Variants in PP2D1 observed in about 807,000 individuals in gnomAD.
PP2D1 encodes protein phosphatase 2C-like domain-containing protein 1.
A neutral mutation model predicts 30.2 loss-of-function variants in PP2D1; 25 were observed. The observed-to-expected ratio is 0.83, with a 90% CI of 0.60 to 1.16. The LOEUF is 1.16. PP2D1 is among the 50% of genes most tolerant of loss of function. The pLI, the probability that PP2D1 is intolerant of heterozygous loss-of-function variation, is 0.00. For synonymous variants in PP2D1, 260 were observed against 258.9 expected (o/e 1.00, Z -0.04); for missense variants, 760 against 742.4 (o/e 1.02, Z -0.28).
At chr3:20,007,482 A>G (rs900022979) in intron 1 of PP2D1, among the ~76,000 whole-genome samples, 1 of 152,046 alleles carries the variant, frequency 6.6e-6, no homozygotes, top group Non-Finnish European at 1.5e-5. Flanking sequence ...GAAATAGTAA[A>G]TAGAGGCCAG....
At chr3:20,009,829 G>A (rs565711177) in intron 1 of PP2D1, among the ~76,000 whole-genome samples, 52 of 152,208 alleles carry the variant, frequency 3.4e-4, no homozygotes, top group African/African-American at 1.2e-3. Flanking sequence ...TCCATGAAGC[G>A]TACAACTGTA....
chr3:19,989,715 A>G (rs1697091455), intron 2 of PP2D1, among the ~76,000 whole-genome samples: 1 of 152,174 alleles, frequency 6.6e-6, no homozygotes, highest in African/African-American at 2.4e-5. Flanking sequence ...TAAATGAGAA[A>G]AATTTTTACG....
intron 1 of PP2D1, among the ~76,000 whole-genome samples, chr3:20,011,690 T>A (rs546329286): frequency 3.6e-4 from 54 of 152,082 alleles, no homozygotes; most frequent in African/African-American, 1.1e-3. Context: ...TCCCAGCTAC[T>A]CGGGAGGCTG....
At chr3:19,986,306 G>T in intron 2 of PP2D1, 124 bp from the exon 3 acceptor site, 1 of 688,630 alleles carries the variant, frequency 1.5e-6, no homozygotes, top group Non-Finnish European at 2.3e-6. Context: ...CTATGTAAAA[G>T]TACGTTTAAA....
In PP2D1 at chr3:19,985,898, C is replaced by T; in HGVS notation, c.1375G>A (p.Glu459Lys). The change falls in exon 3 of 3, where the codon GAA becomes AAA. Residue 459 changes from glutamate (E) to lysine (K), a missense_variant. By Grantham distance (56) the Glu-to-Lys change is moderately conservative (BLOSUM62 1). Transcript: ENST00000389050. ...FLIVATNGLW[E>K]VLDKEEVTAL... ...GTAACTTCCTCTTTATCCAAAACTT[C>T]CCAAAGTCCATTAGTAGCTACAATA... 1 of 1,536,434 alleles carries T rather than the reference C, an allele frequency of 6.5e-7. No homozygotes were observed. The highest frequency in any genetic ancestry group is 1.2e-5 in the South Asian group (1 of 84,064).
Position 20,001,835 on chromosome 3 carries a change from C to G in PP2D1, c.285G>C (p.Trp95Cys). 1 of 1,535,296 alleles carries G rather than the reference C, an allele frequency of 6.5e-7. No homozygotes were observed. The highest frequency in any genetic ancestry group is 8.7e-7 in the Non-Finnish European group (1 of 1,146,628). ...HVALATLGFQ[W>C]MGRKKPQPSV... is the part of the protein sequence containing the mutation. The stretch of plus-strand genomic sequence containing the variant: ...AGGGCTGTGGTTTCTTTCTACCCAT[C>G]CATTGGAAACCCAGCGTGGCCAGAG... Residue 95 changes from tryptophan (W) to cysteine (C), a missense_variant, in exon 2 of 3, where the codon TGG (tryptophan) becomes TGC (cysteine). This residue lies in a region of PP2D1 where 374 missense variants were observed against 388.8 expected (regional missense o/e 0.96). Coordinates refer to ENST00000389050, the MANE Select transcript of PP2D1 (RefSeq NM_001252657.2).
At chr3:19,987,898 C>A (rs372349132) in intron 2 of PP2D1, among the ~76,000 whole-genome samples, 1 of 152,164 alleles carries the variant, frequency 6.6e-6, no homozygotes, top group Non-Finnish European at 1.5e-5. Context: ...TAATTTCTTA[C>A]GCATGTCTTT....
chr3:19,985,217 T>C (rs1392265464), downstream of PP2D1: 3 of 566,718 alleles, frequency 5.3e-6, no homozygotes, highest in Non-Finnish European at 8.9e-6. Context: ...CATAAAACAG[T>C]GAATATATAT....
chr3:20,012,017 C>A, intron 1 of PP2D1, 33 bp downstream of exon 1: 16 of 1,476,374 alleles, frequency 1.1e-5, no homozygotes, highest in Non-Finnish European at 1.5e-5. Flanking sequence ...ATTGGCTATA[C>A]GTATTATCCA....
downstream of PP2D1, among the ~76,000 whole-genome samples, chr3:19,983,345 C>CAAAAAAAAAAAAA (rs34872300): frequency 1.1e-5 from 1 of 92,118 alleles, no homozygotes. Context: ...GACTACATCT[C>CAAAAAAAAAAAAA]AAAAAAAAAA....
At position 20,012,040 on chromosome 3, in the gene PP2D1, G is replaced by A. The variant is rs1226748423; in HGVS notation, c.23+10C>T. 3 of 1,529,294 alleles carry A rather than the reference G, an allele frequency of 2.0e-6. No individual in the cohort carries two copies. The African/African-American group carries it at 4.1e-5, about 21-fold the overall frequency. The allele number at this position is 1,529,294 out of a possible 1,614,324, so 94.7% of individuals were successfully genotyped here. ...TACGTATTATCCAAAAAAGATTTAA[G>A]AAAGTTTACCTTAAAGCATTATTGG... On this transcript the variant is annotated intron_variant, in intron 1 of 2. Coordinates refer to ENST00000389050, the MANE Select transcript of PP2D1 (RefSeq NM_001252657.2).
At chr3:20,005,143 A>AT (rs372688814) in intron 1 of PP2D1, among the ~76,000 whole-genome samples, 24,231 of 124,482 alleles carry the variant, frequency 0.19, 2,407 homozygotes, top group Non-Finnish European at 0.28. Context: ...TTATATATAC[A>AT]TTTTTTTTTT....
rs1320045795 is a variant in PP2D1, at chr3:19,985,743, A to G, written c.1530T>C (p.Asn510=). 6.5e-7 allele frequency: 1 copy of G among 1,536,090 alleles called. No individual in the cohort carries two copies. Among genetic ancestry groups the G allele is most frequent in the South Asian group, 1.2e-5 (1 of 84,060 alleles). ...SEPNLTKSQS[N]IHVLFQYKSV... ...ATTTATACTGAAACAATACGTGGAT[A>G]TTACTCTGTGATTTAGTAAGGTTTG... The change falls in exon 3 of 3, where the codon AAT becomes AAC. Residue 510 remains asparagine (N), a synonymous_variant. Coordinates refer to ENST00000389050, the MANE Select transcript of PP2D1 (RefSeq NM_001252657.2).
intron 1 of PP2D1, among the ~76,000 whole-genome samples, chr3:20,007,418 TC>T (rs1697333051): frequency 6.6e-6 from 1 of 152,120 alleles, no homozygotes; most frequent in Non-Finnish European, 1.5e-5. Flanking sequence ...GATTTTTTTT[TC>T]AGGGGAGGAA....
chr3:19,987,121 T>C (rs545490312), intron 2 of PP2D1, among the ~76,000 whole-genome samples: 1 of 104,696 alleles, frequency 9.6e-6, no homozygotes, highest in East Asian at 2.6e-4. Context: ...ATTAAACCCT[T>C]TGGTTGGAAA....
downstream of PP2D1, chr3:19,984,487 T>C (rs1359528880): frequency 4.4e-6 from 1 of 227,282 alleles, no homozygotes; most frequent in African/African-American, 2.4e-5. Context: ...AACTAATAAA[T>C]GCACCTTAAT....
chr3:20,008,459 C>T (rs1575089974), intron 1 of PP2D1, among the ~76,000 whole-genome samples: 1 of 151,870 alleles, frequency 6.6e-6, no homozygotes, highest in African/African-American at 2.4e-5. Context: ...CCGAGCTACT[C>T]GGGAGGCTGA....
chr3:19,999,418 G>A (rs940191891), intron 2 of PP2D1, among the ~76,000 whole-genome samples: 2 of 144,454 alleles, frequency 1.4e-5, no homozygotes, highest in Non-Finnish European at 3.0e-5. Flanking sequence ...GTCTCTCTTT[G>A]TTGCCCAGTC....
intron 1 of PP2D1, 33 bp from the exon 2 acceptor site, chr3:20,002,129 G>T: frequency 7.2e-7 from 1 of 1,387,538 alleles, no homozygotes; most frequent in Non-Finnish European, 9.7e-7. Context: ...TTACATGCCA[G>T]GATGATGCAG....
Sources: allele counts gnomAD v4.1 joint callset (sites outside exome capture counted in the v4.1 genomes callset), GRCh38; gene constraint gnomAD v4.1.1; regional missense constraint gnomAD v4.1.1; transcripts MANE v1.5; gene names NCBI Gene and HGNC (gene_info 2026-07-23, HGNC 2026-07-21).